BTG4: variants seen among roughly 807,000 people sequenced by gnomAD.
The protein encoded by BTG4 is protein BTG4.
A neutral mutation model predicts 19.3 loss-of-function variants in BTG4; 10 were observed. The ratio of observed to expected loss-of-function variants is 0.52; its 90% confidence interval spans 0.32 to 0.88. The LOEUF is 0.88. Among genes scored for constraint, BTG4 ranks in the 40% least tolerant of loss-of-function variants. The pLI is 0.04. For missense variants in BTG4, 238 were observed against 281.9 expected, an observed-to-expected ratio of 0.84 and a Z score of 1.11; for synonymous variants, 91 against 95.7, an observed-to-expected ratio of 0.95 and a Z score of 0.29.
chr11:111,388,261 T>C, the BTG4 span, among the ~76,000 whole-genome samples: 1 of 151,920 alleles, frequency 6.6e-6, no homozygotes, highest in Non-Finnish European at 1.5e-5. Context: ...ACTCAGTAGA[T>C]CTGGAGTGGC....
chr11:111,506,139 A>G (rs1184011286), intron 1 of BTG4, among the ~76,000 whole-genome samples: 2 of 152,158 alleles, frequency 1.3e-5, no homozygotes, highest in African/African-American at 4.8e-5. Context: ...TACCCAAAGG[A>G]AAAGAAATCA....
chr11:111,415,711 G>T, the BTG4 span, among the ~76,000 whole-genome samples: 1 of 152,132 alleles, frequency 6.6e-6, no homozygotes, highest in Non-Finnish European at 1.5e-5. Flanking sequence ...CTACGGGGTG[G>T]GGGAAAATTA....
intron 2 of BTG4, 87 bp downstream of exon 2, chr11:111,498,517 C>T: frequency 2.4e-6 from 3 of 1,225,828 alleles, no homozygotes; most frequent in Non-Finnish European, 3.5e-6. Flanking sequence ...TACTTATATG[C>T]AGAAAACAAG....
the BTG4 span, among the ~76,000 whole-genome samples, chr11:111,384,427 A>G: frequency 3.3e-5 from 5 of 152,220 alleles, no homozygotes; most frequent in African/African-American, 1.2e-4. Flanking sequence ...TAATACAAAC[A>G]GGACATTCTA....
the BTG4 span, among the ~76,000 whole-genome samples, chr11:111,409,634 G>T: frequency 6.6e-6 from 1 of 152,084 alleles, no homozygotes; most frequent in East Asian, 1.9e-4. Context: ...GAAAATTCTT[G>T]TCTTTATAAA....
At chr11:111,499,178 G>C (rs1372487429) in intron 1 of BTG4, among the ~76,000 whole-genome samples, 1 of 152,192 alleles carries the variant, frequency 6.6e-6, no homozygotes, top group Non-Finnish European at 1.5e-5. Flanking sequence ...TCAGGAGAGA[G>C]TAATTCCAAA....
At chr11:111,418,829 T>C in the BTG4 span, among the ~76,000 whole-genome samples, 1 of 152,222 alleles carries the variant, frequency 6.6e-6, no homozygotes, top group African/African-American at 2.4e-5. Context: ...CTGCCACGTC[T>C]GCAGGAGTTT....
the BTG4 span, among the ~76,000 whole-genome samples, chr11:111,403,992 C>T: frequency 2.0e-5 from 3 of 152,178 alleles, no homozygotes; most frequent in Non-Finnish European, 4.4e-5. Flanking sequence ...TATGGTTTGG[C>T]TGTGTCCCCA....
the BTG4 span, among the ~76,000 whole-genome samples, chr11:111,422,180 T>A: frequency 1.3e-5 from 2 of 152,208 alleles, no homozygotes; most frequent in African/African-American, 4.8e-5. Context: ...TCTTCTGGTC[T>A]CAGCGACCTT....
upstream of BTG4, chr11:111,513,009 C>G (rs1867061048): frequency 2.2e-6 from 1 of 464,564 alleles, no homozygotes; most frequent in Non-Finnish European, 4.5e-6. Flanking sequence ...CCACTGCCAT[C>G]AAAACAAGGC....
At chr11:111,426,296 A>T in the BTG4 span, among the ~76,000 whole-genome samples, 1 of 151,788 alleles carries the variant, frequency 6.6e-6, no homozygotes, top group Non-Finnish European at 1.5e-5. Context: ...GGAAAGGAGG[A>T]CTGGATTGAG....
chr11:111,442,798 T>TA, the BTG4 span, among the ~76,000 whole-genome samples: 2,589 of 152,136 alleles, frequency 0.017, 73 homozygotes, highest in African/African-American at 0.059. Context: ...CGTGAATAAA[T>TA]AAAAATGAAG....
Position 111,484,655 on chromosome 11 carries a change from A to AC in BTG4, c.662+10507_662+10508insG, listed in dbSNP as rs1211701601. ...AAAAACCTGTAAGAGATACACACACAAAAAAAAAGGAAATTAAGACATACT... is the reference window on the plus strand; with the variant it reads ...AAAAACCTGTAAGAGATACACACACACAAAAAAAAGGAAATTAAGACATACT... On this transcript the variant is annotated intron_variant, in intron 5 of 5. Coordinates refer to the BTG4 transcript ENST00000356018. Among the ~76,000 whole-genome samples, 11 of 152,058 alleles carry AC rather than the reference A, an allele frequency of 7.2e-5. 1 individual carries two copies. Among genetic ancestry groups the AC allele is most frequent in the Admixed American group, 7.2e-4 (11 of 15,222 alleles).
the BTG4 span, among the ~76,000 whole-genome samples, chr11:111,441,228 A>C: frequency 6.6e-6 from 1 of 152,186 alleles, no homozygotes; most frequent in African/African-American, 2.4e-5. Context: ...ACCTAACTTA[A>C]GAAATAAAAT....
the BTG4 span, among the ~76,000 whole-genome samples, chr11:111,403,339 C>T: frequency 1.3e-5 from 2 of 152,206 alleles, no homozygotes; most frequent in East Asian, 3.8e-4. Flanking sequence ...CCGGGCACTG[C>T]GTTAGGTAGG....
intron 3 of BTG4, 88 bp downstream of exon 3, chr11:111,497,910 G>T: frequency 7.0e-7 from 1 of 1,425,394 alleles, no homozygotes; most frequent in East Asian, 2.3e-5. Context: ...TCAAGGCTTT[G>T]GGGCATCATC....
chr11:111,512,971 T>C (rs754923829), upstream of BTG4: 4 of 469,948 alleles, frequency 8.5e-6, no homozygotes, highest in Non-Finnish European at 1.8e-5. Context: ...ATTAGCTGAT[T>C]GTACTGTGGT....
At chr11:111,388,298 TTG>T in the BTG4 span, among the ~76,000 whole-genome samples, 1 of 151,612 alleles carries the variant, frequency 6.6e-6, no homozygotes, top group African/African-American at 2.4e-5. Context: ...GGTTGGTTGG[TTG>T]GTTGGTTGGT....
chr11:111,398,738 G>T, the BTG4 span, among the ~76,000 whole-genome samples: 1 of 152,026 alleles, frequency 6.6e-6, no homozygotes, highest in Non-Finnish European at 1.5e-5. Flanking sequence ...ACTAGGAATG[G>T]CTGTCAGGCC....
Sources: gnomAD v4.1 joint callset for allele counts (sites outside exome capture counted in the v4.1 genomes callset) on GRCh38, gnomAD v4.1.1 for gene constraint, MANE v1.5 for transcripts, NCBI Gene and HGNC (gene_info 2026-07-23, HGNC 2026-07-21) for gene names.